The following BTNL9 variants were observed in gnomAD, a reference collection of about 807,000 sequenced individuals.
BTNL9 encodes butyrophilin like 9, also known as butyrophilin-like protein 9.
A neutral mutation model predicts 45.8 loss-of-function variants in BTNL9; 45 were observed. That is an observed-to-expected ratio of 0.98 (90% CI 0.77 to 1.26). The LOEUF (loss-of-function observed/expected upper bound fraction) is 1.26, where lower values mean the gene tolerates loss of function less well. Among genes scored for constraint, BTNL9 ranks in the 50% most tolerant of loss-of-function variants. BTNL9 has a pLI of 0.00. For missense variants in BTNL9, 784 were observed against 729.7 expected, an observed-to-expected ratio of 1.07 and a Z score of -0.86; for synonymous variants, 346 against 330.8, an observed-to-expected ratio of 1.05 and a Z score of -0.50.
At position 181,059,346 on chromosome 5, in the gene BTNL9, G is replaced by A. The variant is rs969450640; in HGVS notation, c.1092G>A (p.Pro364=). 3.9e-6 allele frequency: 6 copies of A among 1,544,058 alleles called. No homozygotes were observed. The highest frequency in any genetic ancestry group is 1.4e-5 in the African/African-American group (1 of 73,082). Reference sequence around the variant, plus strand: ...CGCCAGGCCCGGCGCCTGGCCACCCGCAGCGGTTCTCGGAGCAGACGTGCG... The same window carrying A: ...CGCCAGGCCCGGCGCCTGGCCACCCACAGCGGTTCTCGGAGCAGACGTGCG... The part of the protein sequence containing the change: ...GAPPGPAPGH[P]QRFSEQTCAL... Residue 364 remains proline (P), a synonymous_variant, in exon 11 of 11, where the codon CCG becomes CCA. Coordinates refer to ENST00000327705, the MANE Select transcript of BTNL9 (RefSeq NM_152547.5).
At chr5:181,058,305 CTGA>C (rs1205076673) in intron 9 of BTNL9, 44 bp from the exon 10 acceptor site, 2 of 1,611,190 alleles carry the variant, frequency 1.2e-6, no homozygotes, top group Admixed American at 1.7e-5. Flanking sequence ...TCCAGAGTTA[CTGA>C]CTGAGATTTC....
rs969687908 is a variant in BTNL9, at chr5:181,047,548, A to G, written c.110-379A>G. On this transcript the variant is annotated intron_variant, in intron 2 of 10. Transcript: ENST00000327705. ...TCTCTGCACATTTATGCAAATACGT[A>G]TGTTTTTTACTTAAGATAATATTCT... is the stretch of plus-strand genomic sequence containing the variant. 1.8e-5 allele frequency: 17 copies of G among 970,530 alleles called. No individual in the cohort carries two copies. The African/African-American group carries it at 3.0e-4, about 17-fold the overall frequency. The allele number at this position is 970,530 out of a possible 1,614,324, so 60.1% of individuals were successfully genotyped here.
rs889261405 is a variant in BTNL9 at position 181,042,861 on chromosome 5, G to A, written c.-24+2429G>A. On this transcript the variant is annotated intron_variant, in intron 1 of 10. Transcript: ENST00000327705. The surrounding 1 kb of genome is among the most constrained non-coding windows in gnomAD (Gnocchi z 4.5). ...GGTTAGGGTGAGTGTTTGGTCTGTG[G>A]CCAGCTGGTTCCTGAGACGGTCATG... is the stretch of plus-strand genomic sequence containing the variant. Among the ~76,000 whole-genome samples the A allele has an allele frequency of 1.3e-5, 2 of 152,148 alleles. No homozygotes were observed. Among genetic ancestry groups the A allele is most frequent in the African/African-American group, 4.8e-5 (2 of 41,424 alleles).
intron 9 of BTNL9, 67 bp from the exon 10 acceptor site, chr5:181,058,285 T>A: frequency 1.3e-6 from 2 of 1,580,392 alleles, no homozygotes; most frequent in Non-Finnish European, 1.7e-6. Context: ...TCTGGAGACT[T>A]CGTTAAGGTT....
rs146925017 is a variant in BTNL9 at position 181,044,691 on chromosome 5, C to T, written c.-23-776C>T. On this transcript the variant is annotated intron_variant, in intron 1 of 10. Transcript: ENST00000327705. ...TCATTGGCAGCAGCACACTCTCTGG[C>T]CGTGAGTCATTAGTGGGTCCCAAGG... Among the ~76,000 whole-genome samples, 323 of 152,292 alleles carry T rather than the reference C, an allele frequency of 2.1e-3. 1 individual carries two copies. The highest frequency in any genetic ancestry group is 0.01 in the Middle Eastern group (3 of 294).
chr5:181,048,415 C>A, intron 3 of BTNL9, 144 bp downstream of exon 3: 3 of 752,418 alleles, frequency 4.0e-6, no homozygotes, highest in Non-Finnish European at 6.2e-6. Context: ...CTCAAATGAA[C>A]AAACAAAACA....
At chr5:181,057,659 G>C (rs2113256070) in intron 9 of BTNL9, among the ~76,000 whole-genome samples, 1 of 152,268 alleles carries the variant, frequency 6.6e-6, no homozygotes, top group East Asian at 1.9e-4. Flanking sequence ...TGCAAAAGGA[G>C]TTTTACATAG....
intron 1 of BTNL9, among the ~76,000 whole-genome samples, chr5:181,043,151 C>T (rs1356870151): frequency 2.0e-5 from 3 of 151,852 alleles, no homozygotes; most frequent in African/African-American, 7.3e-5. Flanking sequence ...ATAGGAAGTA[C>T]CCAATGCATG....
intron 10 of BTNL9, 140 bp from the exon 11 acceptor site, chr5:181,059,097 T>C: frequency 7.4e-7 from 1 of 1,354,414 alleles, no homozygotes; most frequent in Non-Finnish European, 9.6e-7. Flanking sequence ...GGAGGGGGTT[T>C]GCAGGGGTGA....
intron 9 of BTNL9, chr5:181,056,694 T>C (rs925541376): frequency 2.8e-6 from 2 of 701,878 alleles, no homozygotes; most frequent in African/African-American, 3.5e-5. Context: ...TGCTGGCCCA[T>C]GGTGGGTATG....
chr5:181,051,359 T>A (rs2113210909), intron 4 of BTNL9, among the ~76,000 whole-genome samples: 1 of 152,258 alleles, frequency 6.6e-6, no homozygotes, highest in South Asian at 2.1e-4. Context: ...AGCTATTTTA[T>A]TATAACAGAA....
chr5:181,056,787 A>T, intron 9 of BTNL9: 1 of 575,956 alleles, frequency 1.7e-6, no homozygotes. Flanking sequence ...ATGTGCCCAC[A>T]TCTCATGTGA....
Position 181,059,851 on chromosome 5 carries a change from G to C in BTNL9, c.1597G>C (p.Asp533His). The change falls in exon 11 of 11, where the codon GAC becomes CAC. Residue 533 changes from aspartate to histidine, a missense_variant. Transcript: ENST00000327705. ...QPYEPADPAL[D>H]WW ...CTATGAGCCCGCGGACCCCGCCCTG[G>C]ACTGGTGGTGAGGCGCCCTCGTGGC... 6.4e-7 allele frequency: 1 copy of C among 1,569,034 alleles called. No homozygotes were observed. Among genetic ancestry groups the C allele is most frequent in the Non-Finnish European group, 8.6e-7 (1 of 1,162,780 alleles).
chr5:181,044,139 G>C (rs6865743), intron 1 of BTNL9, among the ~76,000 whole-genome samples: 83,186 of 152,020 alleles, frequency 0.55, 23,294 homozygotes, highest in African/African-American at 0.64. Flanking sequence ...CTGTCTGGGT[G>C]CCTCCTAGCC....
chr5:181,053,338 CG>C lies in BTNL9; in HGVS notation c.853+26del. The stretch of plus-strand genomic sequence containing the variant: ...CGAGGTACCGGCGCGGGCGGCGGGG[CG>C]GGGAGGGGCACCGGCCGGTGCTGAA... On this transcript the variant is annotated intron_variant, in intron 5 of 10. Coordinates refer to ENST00000327705, the MANE Select transcript of BTNL9 (RefSeq NM_152547.5). This position sits in a 1 kb window ranked among gnomAD's most constrained non-coding sequence, Gnocchi z 6.5. 1 of 1,522,470 alleles carries C rather than the reference CG, an allele frequency of 6.6e-7. No individual in the cohort carries two copies. Among genetic ancestry groups the C allele is most frequent in the African/African-American group, 1.4e-5 (1 of 69,946 alleles). 94.3% of individuals were successfully genotyped at this position (1,522,470 alleles called of 1,614,324 possible).
In BTNL9 at chr5:181,049,733, AGAGAAG is replaced by A. The variant is rs950961178; in HGVS notation, c.455-348_455-343del. 1.6e-4 allele frequency among the ~76,000 whole-genome samples: 24 copies of A among 152,324 alleles called. 1 individual carries two copies. Among genetic ancestry groups the A allele is most frequent in the African/African-American group, 4.6e-4 (19 of 41,580 alleles). On this transcript the variant is annotated intron_variant, in intron 3 of 10. Coordinates refer to ENST00000327705, the MANE Select transcript of BTNL9 (RefSeq NM_152547.5). Reference sequence around the variant, plus strand: ...GGCACTAGAGCTCTGGGGGAATTCAAGAGAAGGAGAAGAGTCACAACTCTAATTATT... The same window carrying A: ...GGCACTAGAGCTCTGGGGGAATTCAAGAGAAGAGTCACAACTCTAATTATT...
rs1761447696 is a variant in BTNL9 at position 181,050,025 on chromosome 5, G to C, written c.455-63G>C. ...TGACTGCAAATGCTGAACAGTGGCAGGAATGTTATGCGTGATTTCTCAGAA... is the reference window on the plus strand; with the variant it reads ...TGACTGCAAATGCTGAACAGTGGCACGAATGTTATGCGTGATTTCTCAGAA... On this transcript the variant is annotated intron_variant, in intron 3 of 10. Transcript: ENST00000327705. This position sits in a 1 kb window ranked among gnomAD's most constrained non-coding sequence, Gnocchi z 4.9. The C allele has an allele frequency of 6.5e-7, 1 of 1,548,718 alleles. No individual in the cohort carries two copies. Among genetic ancestry groups the C allele is most frequent in the African/African-American group, 1.4e-5 (1 of 73,378 alleles).
At chr5:181,046,432 T>C (rs1282459178) in intron 2 of BTNL9, among the ~76,000 whole-genome samples, 1 of 152,160 alleles carries the variant, frequency 6.6e-6, no homozygotes, top group Non-Finnish European at 1.5e-5. Context: ...CCTGTGTTTG[T>C]GCTGAACCCA....
Position 181,041,388 on chromosome 5 carries a change from G to A in BTNL9, c.-24+956G>A, listed in dbSNP as rs149378218. Among the ~76,000 whole-genome samples, 110 of 152,364 alleles carry A rather than the reference G, an allele frequency of 7.2e-4. 1 individual carries two copies. The East Asian group carries it at 0.019, about 27-fold the overall frequency. On this transcript the variant is annotated intron_variant, in intron 1 of 10. Transcript: ENST00000327705. ...AATCTGAAATTCACCAATAGAGTAA[G>A]TAAGAGTGAGAGATTGTGAATGTGT...
Sources: gnomAD v4.1 joint callset for allele counts (sites outside exome capture counted in the v4.1 genomes callset) on GRCh38, gnomAD v4.1.1 for gene constraint, Gnocchi (gnomAD v3.1) non-coding constraint, MANE v1.5 for transcripts, NCBI Gene and HGNC (gene_info 2026-07-23, HGNC 2026-07-21) for gene names.